OSBPL9: variants seen among roughly 807,000 people sequenced by gnomAD.
OSBPL9 encodes the protein oxysterol binding protein like 9, also known as oxysterol-binding protein-related protein 9.
OSBPL9 carries 40 observed loss-of-function variants against 106.6 expected under a neutral mutation model. The observed-to-expected ratio is 0.38, with a 90% CI of 0.29 to 0.49. The LOEUF (loss-of-function observed/expected upper bound fraction) is 0.49. Ranked by LOEUF, OSBPL9 falls within the 20% of genes least tolerant of loss-of-function variation. The pLI, the probability that OSBPL9 is intolerant of heterozygous loss-of-function variation, is 0.97. For missense variants in OSBPL9, 609 were observed against 887.2 expected, an observed-to-expected ratio of 0.69 and a Z score of 3.98; for synonymous variants, 269 against 295.4, an observed-to-expected ratio of 0.91 and a Z score of 0.92.
intron 1 of OSBPL9, among the ~76,000 whole-genome samples, chr1:51,579,346 A>G (rs570403005): frequency 6.6e-6 from 1 of 152,234 alleles, no homozygotes; most frequent in Non-Finnish European, 1.5e-5. Context: ...AAAGATATAC[A>G]TAGGTAAAGA....
At chr1:51,762,837 G>T (rs1671809809) in intron 11 of OSBPL9, among the ~76,000 whole-genome samples, 1 of 152,114 alleles carries the variant, frequency 6.6e-6, no homozygotes, top group African/African-American at 2.4e-5. Flanking sequence ...GGTATTGCTT[G>T]TTTTTTCCAC....
At chr1:51,552,717 C>A in the OSBPL9 span, among the ~76,000 whole-genome samples, 2 of 152,022 alleles carry the variant, frequency 1.3e-5, no homozygotes, top group Non-Finnish European at 2.9e-5. Flanking sequence ...CTCCGCCTCC[C>A]AGGTTCAAGT....
chr1:51,687,556 A>T (rs1327930228), intron 3 of OSBPL9, among the ~76,000 whole-genome samples: 9 of 152,180 alleles, frequency 5.9e-5, no homozygotes, highest in Non-Finnish European at 4.4e-5. Context: ...GAGATTGGCA[A>T]GGCTGGAAGT....
At chr1:51,705,399 AT>A (rs869169566) in intron 3 of OSBPL9, among the ~76,000 whole-genome samples, 40 of 40,362 alleles carry the variant, frequency 9.9e-4, no homozygotes, top group East Asian at 2.9e-3. Flanking sequence ...ATATATATAT[AT>A]TTTTTTTTTT....
At chr1:51,657,394 G>A (rs1321239164) in intron 2 of OSBPL9, among the ~76,000 whole-genome samples, 1 of 152,144 alleles carries the variant, frequency 6.6e-6, no homozygotes, top group Admixed American at 6.5e-5. Flanking sequence ...AACCCTGTCA[G>A]GTAAATGCTC....
At chr1:51,559,131 G>A in the OSBPL9 span, among the ~76,000 whole-genome samples, 1 of 152,142 alleles carries the variant, frequency 6.6e-6, no homozygotes, top group Non-Finnish European at 1.5e-5. Context: ...AAGGAGGGAT[G>A]GGGAGGGGAT....
At chr1:51,554,846 C>T in the OSBPL9 span, among the ~76,000 whole-genome samples, 4 of 152,200 alleles carry the variant, frequency 2.6e-5, no homozygotes, top group East Asian at 3.8e-4. Context: ...ATTATTAAAA[C>T]TAGGTGCCTA....
chr1:51,593,377 C>T (rs959531462), intron 1 of OSBPL9, among the ~76,000 whole-genome samples: 38 of 152,274 alleles, frequency 2.5e-4, no homozygotes, highest in African/African-American at 8.4e-4. Context: ...CCCCACTTAT[C>T]ACCTTCACTA....
intron 15 of OSBPL9, among the ~76,000 whole-genome samples, chr1:51,780,025 C>A (rs988902977): frequency 6.6e-6 from 1 of 151,174 alleles, no homozygotes; most frequent in Non-Finnish European, 1.5e-5. Flanking sequence ...TTGCAGTGAG[C>A]CAAGATCGCG....
intron 4 of OSBPL9, among the ~76,000 whole-genome samples, chr1:51,737,545 G>GGTGTGTGTGT (rs57886494): frequency 4.2e-4 from 60 of 142,532 alleles, no homozygotes; most frequent in African/African-American, 1.2e-3. Context: ...ATATTTCAGG[G>GGTGTGTGTGT]GTGTGTGTGT....
chr1:51,746,653 A>C (rs1668036617), intron 5 of OSBPL9, 57 bp from the exon 6 acceptor site: 1 of 1,225,256 alleles, frequency 8.2e-7, no homozygotes, highest in Non-Finnish European at 1.2e-6. Flanking sequence ...TGTTTAGTGA[A>C]TGTACATCGT....
At chr1:51,557,097 G>A in the OSBPL9 span, among the ~76,000 whole-genome samples, 4 of 151,726 alleles carry the variant, frequency 2.6e-5, no homozygotes, top group African/African-American at 9.7e-5. Flanking sequence ...TACCTACTGT[G>A]TACCCACAAA....
the OSBPL9 span, among the ~76,000 whole-genome samples, chr1:51,522,174 G>C: frequency 6.6e-6 from 1 of 152,142 alleles, no homozygotes; most frequent in Non-Finnish European, 1.5e-5. Flanking sequence ...ATCCCCATAA[G>C]AAAATCAAGG....
intron 11 of OSBPL9, among the ~76,000 whole-genome samples, chr1:51,762,504 T>G (rs1671739981): frequency 6.6e-6 from 1 of 152,228 alleles, no homozygotes; most frequent in Non-Finnish European, 1.5e-5. Context: ...TTTTGTTTGT[T>G]TGTTACCTTA....
At chr1:51,630,460 A>G (rs1364991552) in intron 1 of OSBPL9, among the ~76,000 whole-genome samples, 3 of 152,022 alleles carry the variant, frequency 2.0e-5, no homozygotes, top group Non-Finnish European at 4.4e-5. Context: ...ATAATGGTAA[A>G]TATTTGTGTA....
At position 51,782,656 on chromosome 1, in the gene OSBPL9, G is replaced by A. The variant is rs1553195527; in HGVS notation, c.1513+13G>A. The stretch of plus-strand genomic sequence containing the variant: ...CATCATCCACCCAGTAAGTTACAGA[G>A]CTCCTCTGCAACCTGTGCTCTCAAA... On this transcript the variant is annotated intron_variant, in intron 17 of 23. Coordinates refer to ENST00000428468, the MANE Select transcript of OSBPL9 (RefSeq NM_024586.6). The A allele has an allele frequency of 3.7e-6, 6 of 1,611,768 alleles. No homozygotes were observed. The Admixed American group carries it at 1.0e-4, about 27-fold the overall frequency.
chr1:51,530,184 AAAAAAAAAC>A, the OSBPL9 span, among the ~76,000 whole-genome samples: 219 of 103,404 alleles, frequency 2.1e-3, 29 homozygotes, highest in African/African-American at 3.2e-3. Flanking sequence ...AAAAAAAAAA[AAAAAAAAAC>A]AAAAAAAAAA....
intron 2 of OSBPL9, 73 bp from the exon 3 acceptor site, chr1:51,669,361 C>T (rs1271805351): frequency 7.8e-7 from 1 of 1,275,540 alleles, no homozygotes. Flanking sequence ...TTGAGTATTC[C>T]AGGGCTATAG....
At chr1:51,542,312 ATGC>A in the OSBPL9 span, among the ~76,000 whole-genome samples, 1 of 152,226 alleles carries the variant, frequency 6.6e-6, no homozygotes, top group African/African-American at 2.4e-5. Context: ...ATAGAGTGCT[ATGC>A]CTAAGGTCCC....
Sources: allele counts gnomAD v4.1 joint callset (sites outside exome capture counted in the v4.1 genomes callset), GRCh38; gene constraint gnomAD v4.1.1; transcripts MANE v1.5; gene names NCBI Gene and HGNC (gene_info 2026-07-23, HGNC 2026-07-21).